QSER1: variants seen among roughly 807,000 people sequenced by gnomAD.
QSER1 encodes glutamine and serine-rich protein 1.
QSER1 carries 49 observed loss-of-function variants against 158.5 expected under a neutral mutation model. The ratio of observed to expected loss-of-function variants is 0.31; its 90% CI spans 0.25 to 0.39. QSER1 has a LOEUF of 0.39. Among genes scored for constraint, QSER1 ranks in the 10% least tolerant of loss-of-function variants. The pLI, the probability that QSER1 is intolerant of heterozygous loss-of-function variation, is 1.00. For synonymous variants in QSER1, 650 were observed against 715.5 expected, an observed-to-expected ratio of 0.91 and a Z score of 1.46; for missense variants, 1,754 against 2,010.3, an observed-to-expected ratio of 0.87 and a Z score of 2.44.
rs746743705 is a variant in QSER1, at chr11:32,955,992, T to G, written c.4622T>G (p.Leu1541Arg). The change falls in exon 7 of 13, where the codon CTT (leucine) becomes CGT (arginine). Residue 1541 changes from leucine (L) to arginine (R), a missense_variant. Leu to Arg is a moderately radical substitution (Grantham distance 102, BLOSUM62 -2). Coordinates refer to ENST00000650167, the MANE Select transcript of QSER1 (RefSeq NM_001076786.3). ...TCAAAGTGTTTCCTTCCTCAGTATCTTGGATATTTTGGAGATGCAAAGAGT... is the reference window on the plus strand; with the variant it reads ...TCAAAGTGTTTCCTTCCTCAGTATCGTGGATATTTTGGAGATGCAAAGAGT... ...QREFAATNSYLGYFGDAKSKY... is the reference protein window; with the variant it reads ...QREFAATNSYRGYFGDAKSKY... The G allele has an allele frequency of 1.2e-6, 2 of 1,603,206 alleles. No homozygotes were observed. The highest frequency in any genetic ancestry group is 1.7e-6 in the Non-Finnish European group (2 of 1,172,880).
chr11:32,976,603 C>A lies in QSER1; in HGVS notation c.*129C>A. The A allele has an allele frequency of 1.0e-6, 1 of 1,002,438 alleles. No homozygotes were observed. Among genetic ancestry groups the A allele is most frequent in the Non-Finnish European group, 1.5e-6 (1 of 664,346 alleles). The allele number at this position is 1,002,438 out of a possible 1,614,324, so 62.1% of individuals were successfully genotyped here. A position where few individuals can be genotyped will look rare whatever the true frequency, so the allele number is the denominator to read the frequency against. ...GCTTCCATCATGGAACTGTCATTACCACCTCTGCTGAAGGACAGTGGTGCG... is the reference window on the plus strand; with the variant it reads ...GCTTCCATCATGGAACTGTCATTACAACCTCTGCTGAAGGACAGTGGTGCG... On this transcript the variant is annotated 3_prime_UTR_variant, in exon 13 of 13. Coordinates refer to ENST00000650167, the MANE Select transcript of QSER1 (RefSeq NM_001076786.3).
intron 4 of QSER1, among the ~76,000 whole-genome samples, chr11:32,944,694 GA>G (rs1265975910): frequency 8.1e-6 from 1 of 123,840 alleles, no homozygotes; most frequent in African/African-American, 3.1e-5. Flanking sequence ...GTGTGGTGCT[GA>G]AAAAAATGTA....
At chr11:32,935,633 T>G (rs1014187997) in intron 4 of QSER1, among the ~76,000 whole-genome samples, 198 bp downstream of exon 4, 4 of 152,256 alleles carry the variant, frequency 2.6e-5, no homozygotes, top group African/African-American at 9.6e-5. Flanking sequence ...GTTAAGTAGT[T>G]CTGCTTTTTC....
At chr11:32,922,451 A>G (rs181150040) in intron 1 of QSER1, among the ~76,000 whole-genome samples, 2 of 151,020 alleles carry the variant, frequency 1.3e-5, no homozygotes, top group Non-Finnish European at 2.9e-5. Context: ...ATGGTGAGAT[A>G]CTTATTGTAC....
chr11:32,922,650 A>G (rs1262486136), intron 1 of QSER1, among the ~76,000 whole-genome samples: 2 of 151,522 alleles, frequency 1.3e-5, no homozygotes, highest in East Asian at 3.9e-4. Context: ...ATGCCTGGCT[A>G]ATTTTTGTAT....
In QSER1 at chr11:32,978,206, T is replaced by C. The variant is rs147943002; in HGVS notation, c.*1732T>C. 7.9e-5 allele frequency: 12 copies of C among 152,722 alleles called. No homozygotes were observed. The East Asian group carries it at 2.3e-3, about 29-fold the overall frequency. 9.5% of individuals were successfully genotyped at this position (152,722 alleles called of 1,614,324 possible). On this transcript the variant is annotated 3_prime_UTR_variant, in exon 13 of 13. Coordinates refer to ENST00000650167, the MANE Select transcript of QSER1 (RefSeq NM_001076786.3). ...ATTTTTGAAAGTTTTAAAAAACCTG[T>C]TTGGGTGGTTTATTTTGAAAACAAA...
At chr11:32,894,151 G>A (rs1851524638) in intron 1 of QSER1, among the ~76,000 whole-genome samples, 1 of 152,172 alleles carries the variant, frequency 6.6e-6, no homozygotes, top group Non-Finnish European at 1.5e-5. Flanking sequence ...CGGCCTTTAA[G>A]GTCCGGGTGC....
At position 32,931,791 on chromosome 11, in the gene QSER1, C is replaced by T. The variant is rs774946336; in HGVS notation, c.533C>T (p.Pro178Leu). Residue 178 changes from proline (P) to leucine (L), a missense_variant, in exon 4 of 13, where the codon CCA (proline) becomes CTA (leucine). Pro to Leu is a moderately conservative substitution (Grantham distance 98, BLOSUM62 -3). Transcript: ENST00000650167. ...GAGCTGTTTGCTACTGGACCTTTGC[C>T]AAGCACTGGAACACTTCCACCATCT... ...ATELFATGPL[P>L]STGTLPPSLS... 2 of 1,612,968 alleles carry T rather than the reference C, an allele frequency of 1.2e-6. No individual in the cohort carries two copies.
At position 32,902,739 on chromosome 11, in the gene QSER1, G is replaced by T. The variant is rs555948062; in HGVS notation, c.209+9405G>T. On this transcript the variant is annotated intron_variant, in intron 1 of 12. Transcript: ENST00000650167. ...GGCTGAGAACTGAGCCTTTGCCATT[G>T]TAGGTGATAGTGTCTATTACATGCC... is the stretch of plus-strand genomic sequence containing the variant. 6.6e-5 allele frequency among the ~76,000 whole-genome samples: 10 copies of T among 152,320 alleles called. No individual in the cohort carries two copies. In the South Asian group the frequency reaches 1.7e-3, roughly 25 times the overall value.
At position 32,953,860 on chromosome 11, in the gene QSER1, C is replaced by T; in HGVS notation, c.4181C>T (p.Ala1394Val). The change falls in exon 5 of 13, where the codon GCC becomes GTC. Residue 1394 changes from alanine (A) to valine (V), a missense_variant. Ala to Val is a moderately conservative substitution (Grantham distance 64). Transcript: ENST00000650167. Reference sequence around the variant, plus strand: ...CATTTGCTTGGTTTTGTTTCAGAAGCCCTACAGGTGGCAACTACTAGCCCA... The same window carrying T: ...CATTTGCTTGGTTTTGTTTCAGAAGTCCTACAGGTGGCAACTACTAGCCCA... ...ATSDKKKKTE[A>V]LQVATTSPTA... The T allele has an allele frequency of 6.2e-7, 1 of 1,608,126 alleles. No homozygotes were observed. The highest frequency in any genetic ancestry group is 8.5e-7 in the Non-Finnish European group (1 of 1,176,426).
intron 10 of QSER1, among the ~76,000 whole-genome samples, chr11:32,970,187 G>C (rs1022921159): frequency 1.3e-5 from 2 of 152,062 alleles, no homozygotes; most frequent in African/African-American, 4.8e-5. Context: ...TCACATCCCT[G>C]TTTTATGTGA....
intron 10 of QSER1, 35 bp downstream of exon 10, chr11:32,969,178 A>G: frequency 1.7e-6 from 2 of 1,178,620 alleles, no homozygotes; most frequent in Non-Finnish European, 2.5e-6. Flanking sequence ...GCAAAACTCA[A>G]TGGCAGTCAT....
intron 4 of QSER1, among the ~76,000 whole-genome samples, chr11:32,946,483 G>A (rs1052707508): frequency 6.6e-6 from 1 of 152,042 alleles, no homozygotes; most frequent in Admixed American, 6.6e-5. Context: ...CAGGTCTGTT[G>A]GAGTACCCTG....
chr11:32,917,209 A>G (rs1851844440), intron 1 of QSER1, among the ~76,000 whole-genome samples: 1 of 152,238 alleles, frequency 6.6e-6, no homozygotes, highest in African/African-American at 2.4e-5. Flanking sequence ...TTCGTGGGTG[A>G]ATAGTATTCC....
chr11:32,917,389 A>G (rs72901247), intron 1 of QSER1, among the ~76,000 whole-genome samples: 4,465 of 152,264 alleles, frequency 0.029, 83 homozygotes, highest in Non-Finnish European at 0.044. Flanking sequence ...TTGCTGGGCC[A>G]TGTGGTAATG....
At chr11:32,966,477 TG>T in intron 9 of QSER1, 40 bp downstream of exon 9, 1 of 1,572,068 alleles carries the variant, frequency 6.4e-7, no homozygotes, top group South Asian at 1.2e-5. Flanking sequence ...TAGTACTTCC[TG>T]GAATTAAAAA....
At chr11:32,901,551 G>A (rs1479835368) in intron 1 of QSER1, among the ~76,000 whole-genome samples, 2 of 152,150 alleles carry the variant, frequency 1.3e-5, no homozygotes, top group African/African-American at 4.8e-5. Flanking sequence ...CTAAGAGGGA[G>A]GAAATGGAAT....
At chr11:32,909,567 G>A (rs923635041) in intron 1 of QSER1, among the ~76,000 whole-genome samples, 1 of 151,924 alleles carries the variant, frequency 6.6e-6, no homozygotes, top group Admixed American at 6.6e-5. Flanking sequence ...AGCCTCCCAA[G>A]TAGCTGGGAC....
rs1203788887 is a variant in QSER1 at position 32,932,515 on chromosome 11, A to G, written c.1257A>G (p.Thr419=). The G allele has an allele frequency of 5.0e-6, 8 of 1,614,114 alleles. No homozygotes were observed. The highest frequency in any genetic ancestry group is 6.8e-6 in the Non-Finnish European group (8 of 1,180,010). ...IKSCSTEQPL[T]STKTPKPQSI... ...GCTGTTCTACAGAACAACCACTGAC[A>G]TCAACCAAGACCCCTAAACCTCAAA... Residue 419 remains threonine, a synonymous_variant, in exon 4 of 13, where the codon ACA becomes ACG. Transcript: ENST00000650167.
Sources: allele counts gnomAD v4.1 joint callset (sites outside exome capture counted in the v4.1 genomes callset), GRCh38; gene constraint gnomAD v4.1.1; transcripts MANE v1.5; gene names NCBI Gene and HGNC (gene_info 2026-07-23, HGNC 2026-07-21).